The following MACROD2 variants were observed in gnomAD, a reference collection of about 807,000 sequenced individuals.
The protein encoded by MACROD2 is mono-ADP ribosylhydrolase 2, also known as ADP-ribose glycohydrolase MACROD2.
Under a neutral mutation model 70.4 loss-of-function variants are expected in MACROD2, and 36 were observed. The observed-to-expected ratio is 0.51, with a 90% CI of 0.39 to 0.68. The LOEUF is 0.68. Ranked by LOEUF, MACROD2 falls within the 30% of genes least tolerant of loss-of-function variation. The pLI is 0.00. For missense variants in MACROD2, 496 were observed against 538.4 expected, an observed-to-expected ratio of 0.92 and a Z score of 0.78; for synonymous variants, 172 against 178.8, an observed-to-expected ratio of 0.96 and a Z score of 0.30.
intron 10 of MACROD2, among the ~76,000 whole-genome samples, chr20:15,916,812 C>T (rs1034854274): frequency 6.6e-6 from 1 of 152,180 alleles, no homozygotes; most frequent in Non-Finnish European, 1.5e-5. Flanking sequence ...AATTCCTACA[C>T]TACAAGGGTA....
intron 3 of MACROD2, among the ~76,000 whole-genome samples, chr20:14,214,606 G>T (rs199901248): frequency 2.9e-4 from 40 of 139,136 alleles, no homozygotes; most frequent in Non-Finnish European, 3.0e-4. Context: ...TTTTTTTAAG[G>T]TTTTTTTTTT....
chr20:15,842,815 G>T (rs957746311), intron 8 of MACROD2, among the ~76,000 whole-genome samples: 1 of 151,994 alleles, frequency 6.6e-6, no homozygotes, highest in Non-Finnish European at 1.5e-5. Flanking sequence ...TATAAGGCAC[G>T]TAACACTTTA....
At chr20:15,497,142 G>A (rs191301812) in intron 7 of MACROD2, among the ~76,000 whole-genome samples, 4 of 152,310 alleles carry the variant, frequency 2.6e-5, no homozygotes, top group Admixed American at 2.6e-4. Flanking sequence ...TTTGTTTTAG[G>A]TAGGAGCATG....
chr20:14,702,586 T>TATAC (rs1491348297), intron 5 of MACROD2, among the ~76,000 whole-genome samples: 3 of 524 alleles, frequency 5.7e-3, no homozygotes, highest in Admixed American at 0.018. Context: ...TGTATATATA[T>TATAC]GTATATATAT....
At chr20:14,683,478 G>T (rs2070960017) in intron 4 of MACROD2, among the ~76,000 whole-genome samples, 1 of 152,162 alleles carries the variant, frequency 6.6e-6, no homozygotes, top group Non-Finnish European at 1.5e-5. Context: ...GCGTAGTCTG[G>T]AGTGAATTTA....
chr20:15,248,530 G>A (rs562106265), intron 6 of MACROD2, among the ~76,000 whole-genome samples: 21 of 152,232 alleles, frequency 1.4e-4, no homozygotes, highest in African/African-American at 4.6e-4. Flanking sequence ...TAACACTGGT[G>A]GTATAGGGGC....
chr20:14,502,326 C>G (rs1437262526), intron 4 of MACROD2, among the ~76,000 whole-genome samples: 1 of 152,138 alleles, frequency 6.6e-6, no homozygotes, highest in Non-Finnish European at 1.5e-5. Flanking sequence ...ACTGAAGATA[C>G]TGTAGGGATG....
At chr20:14,670,580 A>G (rs1362493648) in intron 4 of MACROD2, among the ~76,000 whole-genome samples, 1 of 152,208 alleles carries the variant, frequency 6.6e-6, no homozygotes, top group East Asian at 1.9e-4. Context: ...CTTATCCAGA[A>G]TGTCAAGGAA....
chr20:15,778,117 A>C (rs1488077412), intron 8 of MACROD2, among the ~76,000 whole-genome samples: 1 of 152,194 alleles, frequency 6.6e-6, no homozygotes, highest in Admixed American at 6.5e-5. Context: ...CGTATGTTAG[A>C]GAAAAGGATA....
intron 7 of MACROD2, among the ~76,000 whole-genome samples, chr20:15,467,897 A>C (rs995919553): frequency 6.6e-6 from 1 of 152,178 alleles, no homozygotes; most frequent in African/African-American, 2.4e-5. Flanking sequence ...TACTGAAATG[A>C]AAGTTTCTGT....
intron 3 of MACROD2, among the ~76,000 whole-genome samples, chr20:14,292,254 G>T (rs1026552580): frequency 1.3e-5 from 2 of 151,858 alleles, no homozygotes; most frequent in African/African-American, 4.9e-5. Context: ...CAGGTAAAGG[G>T]CAGTGGTTCT....
At chr20:15,299,006 C>T (rs903656534) in intron 6 of MACROD2, among the ~76,000 whole-genome samples, 17 of 152,064 alleles carry the variant, frequency 1.1e-4, no homozygotes, top group Non-Finnish European at 1.9e-4. Flanking sequence ...ACTCCAAAAC[C>T]CATTATACAC....
At chr20:15,339,313 C>T (rs1405517807) in intron 6 of MACROD2, among the ~76,000 whole-genome samples, 2 of 151,672 alleles carry the variant, frequency 1.3e-5, no homozygotes, top group African/African-American at 4.9e-5. Context: ...AATAATTTGG[C>T]AGAAATAAAA....
At chr20:14,782,512 A>G (rs2072314251) in intron 5 of MACROD2, among the ~76,000 whole-genome samples, 1 of 152,140 alleles carries the variant, frequency 6.6e-6, no homozygotes, top group Non-Finnish European at 1.5e-5. Flanking sequence ...TCAAATGCTT[A>G]CGAGGACATT....
intron 8 of MACROD2, among the ~76,000 whole-genome samples, chr20:15,669,747 C>G (rs2049953196): frequency 6.6e-6 from 1 of 152,220 alleles, no homozygotes; most frequent in East Asian, 1.9e-4. Flanking sequence ...AGGTAATGTC[C>G]TAAATAAAAA....
chr20:15,917,871 TGAAG>T (rs1194347762), intron 10 of MACROD2, among the ~76,000 whole-genome samples: 3 of 149,778 alleles, frequency 2.0e-5, no homozygotes, highest in Non-Finnish European at 4.4e-5. Context: ...AAAAAAAAGC[TGAAG>T]GAAGAAACTA....
chr20:15,137,279 A>G (rs1278181450), intron 5 of MACROD2, among the ~76,000 whole-genome samples: 4 of 151,992 alleles, frequency 2.6e-5, no homozygotes, highest in Non-Finnish European at 5.9e-5. Flanking sequence ...TTGCGGCACT[A>G]TTCACGATAG....
chr20:15,256,317 G>A (rs1445568723), intron 6 of MACROD2, among the ~76,000 whole-genome samples: 1 of 151,916 alleles, frequency 6.6e-6, no homozygotes, highest in Non-Finnish European at 1.5e-5. Flanking sequence ...GAATGTCTGG[G>A]GATTCTATTA....
intron 3 of MACROD2, among the ~76,000 whole-genome samples, chr20:14,342,482 A>G (rs1382569129): frequency 6.6e-6 from 1 of 152,232 alleles, no homozygotes; most frequent in African/African-American, 2.4e-5. Flanking sequence ...AGGGCACATC[A>G]GTATTACATC....
Sources: gnomAD v4.1 joint callset for allele counts (sites outside exome capture counted in the v4.1 genomes callset) on GRCh38, gnomAD v4.1.1 for gene constraint, MANE v1.5 for transcripts, NCBI Gene and HGNC (gene_info 2026-07-23, HGNC 2026-07-21) for gene names.